The following STK17B variants were observed in gnomAD, a reference collection of about 807,000 sequenced individuals.
STK17B encodes the protein serine/threonine-protein kinase 17B.
STK17B carries 21 observed loss-of-function variants against 42.0 expected under a neutral mutation model. The observed-to-expected ratio is 0.50, with a 90% confidence interval of 0.35 to 0.72. STK17B has a LOEUF of 0.72. Among genes scored for constraint, STK17B ranks in the 30% least tolerant of loss-of-function variants. STK17B has a pLI of 0.00. For synonymous variants in STK17B, 143 were observed against 148.4 expected (o/e 0.96, Z 0.26); for missense variants, 349 against 446.0 (o/e 0.78, Z 1.96).
At chr2:196,173,603 T>C (rs1370086461), upstream of STK17B, among the ~76,000 whole-genome samples, 1 of 152,122 alleles carries the variant, frequency 6.6e-6, no homozygotes, top group Non-Finnish European at 1.5e-5. Context: ...AATTCAGAAG[T>C]CAATACATTC....
chr2:196,149,323 C>T (rs1699630022), intron 3 of STK17B, among the ~76,000 whole-genome samples: 1 of 152,070 alleles, frequency 6.6e-6, no homozygotes. Context: ...GGCACCACAC[C>T]CGGCTAATTT....
chr2:196,165,285 C>T (rs1699863349), intron 1 of STK17B, among the ~76,000 whole-genome samples: 1 of 152,160 alleles, frequency 6.6e-6, no homozygotes, highest in South Asian at 2.1e-4. Context: ...GAAACCAACC[C>T]CGCAGACACC....
At chr2:196,139,494 G>T in intron 7 of STK17B, 126 bp downstream of exon 7, 1 of 581,852 alleles carries the variant, frequency 1.7e-6, no homozygotes, top group Non-Finnish European at 2.5e-6. Context: ...CCTAGAACTT[G>T]TACATATTTC....
intron 3 of STK17B, among the ~76,000 whole-genome samples, chr2:196,155,830 C>T (rs889115801): frequency 6.6e-6 from 1 of 152,178 alleles, no homozygotes; most frequent in Non-Finnish European, 1.5e-5. Context: ...ACCTGGTGAA[C>T]TGTAGAATAC....
At chr2:196,174,374 G>A (rs1159933971), upstream of STK17B, 1 of 152,222 alleles carries the variant, frequency 6.6e-6, no homozygotes. Context: ...TAATGATCAA[G>A]GAAAGTGATT....
At chr2:196,143,471 G>T in intron 5 of STK17B, 89 bp downstream of exon 5, 1 of 1,254,790 alleles carries the variant, frequency 8.0e-7, no homozygotes, top group South Asian at 1.8e-5. Flanking sequence ...TAACTGAATC[G>T]AATTACATGC....
chr2:196,145,863 C>G (rs199697507), intron 4 of STK17B, 48 bp downstream of exon 4: 2 of 1,508,272 alleles, frequency 1.3e-6, no homozygotes, highest in Non-Finnish European at 1.8e-6. Context: ...ATACTAAGAG[C>G]AGAAGAAGAA....
chr2:196,139,438 T>G (rs1449446656), intron 7 of STK17B, among the ~76,000 whole-genome samples, 182 bp downstream of exon 7: 1 of 152,206 alleles, frequency 6.6e-6, no homozygotes, highest in African/African-American at 2.4e-5. Context: ...ATATTTTATA[T>G]CTGAAGTTAT....
At position 196,137,726 on chromosome 2, in the gene STK17B, T is replaced by C; in HGVS notation, c.840A>G (p.Lys280=). The change falls in exon 8 of 8, where the codon AAA becomes AAG. Residue 280 remains lysine, a synonymous_variant. Transcript: ENST00000263955. ...AAAGGCATATCTCTGCTGTTGGTCT[T>C]TTCCTTTGAAAGAAAGCACCAAGGG... The part of the protein sequence containing the change: ...IQSLLVKNPE[K]RPTAEICLSH... 2 of 1,600,166 alleles carry C rather than the reference T, an allele frequency of 1.2e-6. No homozygotes were observed. Among genetic ancestry groups the C allele is most frequent in the African/African-American group, 1.3e-5 (1 of 74,432 alleles).
chr2:196,165,898 T>A (rs965673312), intron 1 of STK17B, among the ~76,000 whole-genome samples: 2 of 152,270 alleles, frequency 1.3e-5, no homozygotes, highest in African/African-American at 4.8e-5. Context: ...CTGTACTGTT[T>A]CCATGTACAA....
chr2:196,160,347 T>C (rs1373436001), intron 2 of STK17B, among the ~76,000 whole-genome samples: 1 of 152,128 alleles, frequency 6.6e-6, no homozygotes, highest in Non-Finnish European at 1.5e-5. Context: ...TTGCCTCAGT[T>C]GGGGGAGGGG....
At chr2:196,138,613 T>C (rs1699444952) in intron 7 of STK17B, among the ~76,000 whole-genome samples, 1 of 152,030 alleles carries the variant, frequency 6.6e-6, no homozygotes, top group Non-Finnish European at 1.5e-5. Context: ...TCTCACTCTG[T>C]CACCCAGGCT....
In STK17B at chr2:196,143,556, T is replaced by C. The variant is rs1699523278; in HGVS notation, c.607+4A>G. The stretch of plus-strand genomic sequence containing the variant: ...TGGTATAGAAAATAAAAGGAAATTC[T>C]TACCTAAATATTCTGGTGTTCCCAT... On this transcript the variant is annotated splice_donor_region_variant and intron_variant, in intron 5 of 7. Transcript: ENST00000263955. 6.3e-7 allele frequency: 1 copy of C among 1,591,904 alleles called. No individual in the cohort carries two copies. Among genetic ancestry groups the C allele is most frequent in the Non-Finnish European group, 8.5e-7 (1 of 1,172,638 alleles).
At chr2:196,164,038 C>A (rs80220776) in intron 1 of STK17B, among the ~76,000 whole-genome samples, 4,838 of 146,156 alleles carry the variant, frequency 0.033, 111 homozygotes, top group Middle Eastern at 0.056. Flanking sequence ...GATCTTATCT[C>A]AATAAATAAA....
At chr2:196,148,592 A>G (rs923255412) in intron 3 of STK17B, among the ~76,000 whole-genome samples, 3 of 152,166 alleles carry the variant, frequency 2.0e-5, no homozygotes, top group African/African-American at 4.8e-5. Flanking sequence ...ATCAGACCAA[A>G]TAACTTGAAA....
At chr2:196,152,648 G>C (rs1317017826) in intron 3 of STK17B, among the ~76,000 whole-genome samples, 1 of 152,176 alleles carries the variant, frequency 6.6e-6, no homozygotes, top group African/African-American at 2.4e-5. Flanking sequence ...TCAAAAAGAT[G>C]CCTATGAACT....
At chr2:196,150,179 T>TAAAAAAAAA (rs143244008) in intron 3 of STK17B, among the ~76,000 whole-genome samples, 24 of 113,468 alleles carry the variant, frequency 2.1e-4, no homozygotes, top group African/African-American at 4.1e-4. Context: ...GAGCAGTGAC[T>TAAAAAAAAA]AAAAAAAAAA....
intron 2 of STK17B, 59 bp from the exon 3 acceptor site, chr2:196,156,710 T>C: frequency 7.6e-7 from 1 of 1,321,758 alleles, no homozygotes; most frequent in Non-Finnish European, 1.1e-6. Context: ...CGTTAGTATA[T>C]TACAGATTCT....
intron 2 of STK17B, among the ~76,000 whole-genome samples, chr2:196,159,018 AAAAAAAC>A (rs1480771712): frequency 6.5e-4 from 99 of 151,744 alleles, no homozygotes; most frequent in African/African-American, 2.2e-3. Flanking sequence ...CTCAAAAAAA[AAAAAAAC>A]AAAAAAACAG....
Sources: allele counts gnomAD v4.1 joint callset (sites outside exome capture counted in the v4.1 genomes callset), GRCh38; gene constraint gnomAD v4.1.1; transcripts MANE v1.5; gene names NCBI Gene and HGNC (gene_info 2026-07-23, HGNC 2026-07-21).